The following UBE2F variants were observed in gnomAD, a reference collection of about 807,000 sequenced individuals.
UBE2F encodes the protein ubiquitin conjugating enzyme E2 F (putative).
In UBE2F, 5 loss-of-function variants were observed where a neutral mutation model predicts 29.6. The observed-to-expected ratio is 0.17, with a 90% CI of 0.09 to 0.36. The LOEUF (loss-of-function observed/expected upper bound fraction) is 0.36, where lower values mean the gene tolerates loss of function less well. Ranked by LOEUF, UBE2F falls within the 10% of genes least tolerant of loss-of-function variation. UBE2F has a pLI of 1.00. For synonymous variants in UBE2F, 66 were observed against 81.8 expected, an observed-to-expected ratio of 0.81 and a Z score of 1.04; for missense variants, 141 against 228.5, an observed-to-expected ratio of 0.62 and a Z score of 2.47.
Position 237,972,911 on chromosome 2 carries a change from A to G in UBE2F, c.-16-181A>G, listed in dbSNP as rs533564088. On this transcript the variant is annotated intron_variant, in intron 1 of 9. Transcript: ENST00000272930. ...ATTTTAAAAGTTAGGCTTATAGAGG[A>G]TGGCATAGAGCTTCTCAAATGTATT... Among the ~76,000 whole-genome samples the G allele has an allele frequency of 2.6e-5, 4 of 152,308 alleles. No homozygotes were observed. In the East Asian group the frequency reaches 7.7e-4, roughly 29 times the overall value.
At chr2:237,988,750 A>G (rs928058011) in intron 3 of UBE2F, among the ~76,000 whole-genome samples, 9 of 152,188 alleles carry the variant, frequency 5.9e-5, no homozygotes, top group Non-Finnish European at 1.3e-4. Flanking sequence ...TTTGAGTGAA[A>G]AAGTGTATAA....
chr2:237,988,147 G>A (rs1482686579), intron 3 of UBE2F, among the ~76,000 whole-genome samples, 155 bp downstream of exon 3: 1 of 152,072 alleles, frequency 6.6e-6, no homozygotes, highest in East Asian at 1.9e-4. Flanking sequence ...TTTTTCAAGT[G>A]TCTAATAAGA....
intron 4 of UBE2F, among the ~76,000 whole-genome samples, chr2:238,008,822 G>C (rs1420718641): frequency 6.6e-6 from 1 of 152,108 alleles, no homozygotes; most frequent in East Asian, 1.9e-4. Context: ...TTGTAACCCA[G>C]AATATATTAT....
chr2:238,032,816 G>A (rs1035262614), intron 8 of UBE2F: 3 of 152,992 alleles, frequency 2.0e-5, no homozygotes, highest in Non-Finnish European at 1.5e-5. Flanking sequence ...CAGTTACATA[G>A]TTACCCCTTT....
At chr2:237,976,770 C>T (rs1036678492) in intron 2 of UBE2F, among the ~76,000 whole-genome samples, 6 of 152,156 alleles carry the variant, frequency 3.9e-5, no homozygotes, top group African/African-American at 1.4e-4. Flanking sequence ...ATTTTGGCCC[C>T]ATTCGAGCCA....
chr2:238,030,581 G>A lies in UBE2F; in HGVS notation c.379G>A (p.Gly127Ser), dbSNP rs756003068. Reference sequence around the variant, plus strand: ...TTTATTGAGAGAACATTCAATTGATGGCACTGGCTGGGCTCCCACAAGAAC... The same window carrying A: ...TTTATTGAGAGAACATTCAATTGATAGCACTGGCTGGGCTCCCACAAGAAC... ...LSLLREHSID[G>S]TGWAPTRTLK... Residue 127 changes from glycine (G) to serine (S), a missense_variant, in exon 7 of 10, where the codon GGC (glycine) becomes AGC (serine). Gly to Ser is a moderately conservative substitution (Grantham distance 56). Transcript: ENST00000272930. 6 of 1,613,702 alleles carry A rather than the reference G, an allele frequency of 3.7e-6. No homozygotes were observed. Among genetic ancestry groups the A allele is most frequent in the Non-Finnish European group, 5.1e-6 (6 of 1,179,796 alleles).
intron 5 of UBE2F, among the ~76,000 whole-genome samples, chr2:238,024,288 CT>C (rs1366210472): frequency 6.6e-6 from 1 of 152,116 alleles, no homozygotes; most frequent in African/African-American, 2.4e-5. Flanking sequence ...TTGTGTTGTC[CT>C]TTTCTCTCTG....
intron 5 of UBE2F, among the ~76,000 whole-genome samples, chr2:238,020,515 C>T (rs1159586750): frequency 6.6e-6 from 1 of 152,186 alleles, no homozygotes; most frequent in East Asian, 1.9e-4. Context: ...TTCTGTACTT[C>T]ATAAGGACTT....
At chr2:238,026,062 C>T (rs1395567979) in intron 6 of UBE2F, among the ~76,000 whole-genome samples, 17 of 152,206 alleles carry the variant, frequency 1.1e-4, no homozygotes, top group Non-Finnish European at 2.5e-4. Context: ...ATTTTTTCTG[C>T]ACTTTGTCCC....
At chr2:238,003,352 C>A in intron 4 of UBE2F, 1 of 470,964 alleles carries the variant, frequency 2.1e-6, no homozygotes, top group South Asian at 1.5e-5. Context: ...ACTGCTCTCT[C>A]CTTGCTCCTT....
intron 5 of UBE2F, among the ~76,000 whole-genome samples, chr2:238,021,762 A>G (rs779618616): frequency 5.9e-5 from 9 of 152,178 alleles, no homozygotes; most frequent in Non-Finnish European, 1.0e-4. Context: ...TGTTTTTTCA[A>G]TAACCTTTTA....
At chr2:238,004,233 T>C (rs1241337488) in intron 4 of UBE2F, among the ~76,000 whole-genome samples, 1 of 152,226 alleles carries the variant, frequency 6.6e-6, no homozygotes, top group Non-Finnish European at 1.5e-5. Flanking sequence ...ACCAGCACTG[T>C]ATGAGAATTC....
At chr2:238,025,248 A>G (rs2064393674) in intron 5 of UBE2F, 94 bp from the exon 6 acceptor site, 1 of 1,057,872 alleles carries the variant, frequency 9.5e-7, no homozygotes, top group Admixed American at 1.8e-5. Flanking sequence ...CCATGAAACA[A>G]GCGTCTAGAT....
chr2:238,008,198 T>C (rs2063947201), intron 4 of UBE2F, among the ~76,000 whole-genome samples: 1 of 152,122 alleles, frequency 6.6e-6, no homozygotes, highest in Non-Finnish European at 1.5e-5. Context: ...TCTCGAACCC[T>C]TGGGCTCAAG....
chr2:237,988,020 T>C (rs2063516554), intron 3 of UBE2F, 28 bp downstream of exon 3: 8 of 1,410,582 alleles, frequency 5.7e-6, no homozygotes, highest in Non-Finnish European at 7.6e-6. Context: ...AAACACTAAG[T>C]ACTGTGAAAT....
intron 4 of UBE2F, among the ~76,000 whole-genome samples, chr2:238,006,759 C>CTTTTTTTTTTTTTTTTTTTTTTTTT (rs60514924): frequency 1.8e-4 from 23 of 125,554 alleles, no homozygotes; most frequent in African/African-American, 6.4e-4. Context: ...TTTCTTTTTT[C>CTTTTTTTTTTTTTTTTTTTTTTTTT]TTTTTTTTTT....
At chr2:238,009,231 G>A (rs916491262) in intron 4 of UBE2F, among the ~76,000 whole-genome samples, 1 of 152,118 alleles carries the variant, frequency 6.6e-6, no homozygotes, top group African/African-American at 2.4e-5. Context: ...CACACTTGGG[G>A]TTTATTAAGC....
At chr2:238,037,934 C>G (rs958887177) in intron 9 of UBE2F, among the ~76,000 whole-genome samples, 8 of 152,194 alleles carry the variant, frequency 5.3e-5, no homozygotes, top group African/African-American at 1.9e-4. Flanking sequence ...CTAGCTAGTT[C>G]TAGACATCGT....
At chr2:237,973,321 A>T in intron 2 of UBE2F, 96 bp downstream of exon 2, 1 of 1,336,640 alleles carries the variant, frequency 7.5e-7, no homozygotes, top group Non-Finnish European at 1.0e-6. Flanking sequence ...ACTGCTGAAT[A>T]GAAATACCTG....
Sources: allele counts gnomAD v4.1 joint callset (sites outside exome capture counted in the v4.1 genomes callset), GRCh38; gene constraint gnomAD v4.1.1; transcripts MANE v1.5; gene names NCBI Gene and HGNC (gene_info 2026-07-23, HGNC 2026-07-21).